The following CD1B variants were observed in gnomAD, a reference collection of about 807,000 sequenced individuals.
CD1B encodes CD1b molecule.
CD1B carries 43 observed loss-of-function variants against 39.8 expected under a neutral mutation model. That is an observed-to-expected ratio of 1.08 (90% confidence interval 0.85 to 1.39). CD1B has a LOEUF of 1.39. Ranked by LOEUF, CD1B falls within the 40% of genes most tolerant of loss-of-function variation. CD1B has a pLI of 0.00. For synonymous variants in CD1B, 192 were observed against 152.5 expected (o/e 1.26, Z -1.91); for missense variants, 495 against 403.8 (o/e 1.23, Z -1.94).
At chr1:158,299,558 A>C in the CD1B span, among the ~76,000 whole-genome samples, 57 of 152,336 alleles carry the variant, frequency 3.7e-4, no homozygotes, top group African/African-American at 1.3e-3. Context: ...TTCAGAAGGA[A>C]TGGTACCAGC....
At chr1:158,302,315 C>T in the CD1B span, among the ~76,000 whole-genome samples, 1 of 151,934 alleles carries the variant, frequency 6.6e-6, no homozygotes, top group Non-Finnish European at 1.5e-5. Context: ...GTTTATAGCA[C>T]TAAATGCCCA....
Position 158,331,052 on chromosome 1 carries a change from C to T in CD1B, c.72G>A (p.Gly24=), listed in dbSNP as rs998188870. The T allele has an allele frequency of 7.5e-6, 12 of 1,610,454 alleles. No homozygotes were observed. Among genetic ancestry groups the T allele is most frequent in the Non-Finnish European group, 9.3e-6 (11 of 1,178,636 alleles). Residue 24 remains glycine (G), a synonymous_variant, in exon 2 of 6, where the codon GGG becomes GGA. Coordinates refer to ENST00000368168, the MANE Select transcript of CD1B (RefSeq NM_001764.3). ...PGGNSEHAFQ[G]PTSFHVIQTS... is the part of the protein sequence containing the mutation. ...TCTGGATAACATGAAAGGAGGTCGG[C>T]CCCTGGAAGGCTGTGAAGAGTGGAA...
At position 158,328,900 on chromosome 1, in the gene CD1B, AC is replaced by A. The variant is rs762400564; in HGVS notation, c.980+20del. The A allele has an allele frequency of 1.2e-5, 19 of 1,539,064 alleles. No individual in the cohort carries two copies. Among genetic ancestry groups the A allele is most frequent in the Middle Eastern group, 1.7e-4 (1 of 5,724 alleles). ...CAGAAAAGACATATTAAAAAAAAAA[AC>A]AACACCACCCACAACTCACCGGCGC... On this transcript the variant is annotated intron_variant, in intron 5 of 5. Transcript: ENST00000368168.
Position 158,328,073 on chromosome 1 carries a change from A to G in CD1B, c.*163T>C. The G allele has an allele frequency of 1.7e-6, 1 of 603,290 alleles. No individual in the cohort carries two copies. 37.4% of individuals were successfully genotyped at this position (603,290 alleles called of 1,614,324 possible). On this transcript the variant is annotated 3_prime_UTR_variant, in exon 6 of 6. Transcript: ENST00000368168. ...TCATAATAAATTTACAGTTTTAAGT[A>G]CTTTTTTGCTGATGTTTAAATAATA...
At chr1:158,315,275 A>T in the CD1B span, among the ~76,000 whole-genome samples, 85 of 152,258 alleles carry the variant, frequency 5.6e-4, no homozygotes, top group Non-Finnish European at 1.0e-3. Flanking sequence ...TCCCATCAAC[A>T]GTGTAAAAGT....
the CD1B span, among the ~76,000 whole-genome samples, chr1:158,322,310 C>T: frequency 6.6e-6 from 1 of 152,158 alleles, no homozygotes; most frequent in Non-Finnish European, 1.5e-5. Flanking sequence ...AATCTTGGCT[C>T]ACTGCAACCT....
At chr1:158,292,314 C>G in the CD1B span, 7 of 1,614,158 alleles carry the variant, frequency 4.3e-6, no homozygotes, top group Non-Finnish European at 5.9e-6. Flanking sequence ...CACTTGCCCC[C>G]GATTTCTCTT....
At chr1:158,330,601 T>A in intron 2 of CD1B, 195 bp downstream of exon 2, 1 of 721,912 alleles carries the variant, frequency 1.4e-6, no homozygotes, top group Non-Finnish European at 2.5e-6. Flanking sequence ...AAGAGAAGAG[T>A]GCAGAGGCAG....
At position 158,328,034 on chromosome 1, in the gene CD1B, C is replaced by T. The variant is rs1652424233; in HGVS notation, c.*202G>A. 1 of 538,276 alleles carries T rather than the reference C, an allele frequency of 1.9e-6. No homozygotes were observed. Among genetic ancestry groups the T allele is most frequent in the Admixed American group, 3.3e-5 (1 of 30,272 alleles). 33.3% of individuals were successfully genotyped at this position (538,276 alleles called of 1,614,324 possible). A position where few individuals can be genotyped will look rare whatever the true frequency, so the allele number is the denominator to read the frequency against. On this transcript the variant is annotated 3_prime_UTR_variant, in exon 6 of 6. Transcript: ENST00000368168. ...GTGTGTAAAATCAGGGTGAATCACA[C>T]TGTTAGTACAGTCTCATAATAAATT...
the CD1B span, among the ~76,000 whole-genome samples, chr1:158,318,528 C>T: frequency 6.6e-6 from 1 of 152,088 alleles, no homozygotes; most frequent in African/African-American, 2.4e-5. Flanking sequence ...AGATCTTCCT[C>T]CATCCTTTTA....
At chr1:158,303,408 A>G in the CD1B span, among the ~76,000 whole-genome samples, 2 of 152,212 alleles carry the variant, frequency 1.3e-5, no homozygotes, top group Non-Finnish European at 2.9e-5. Context: ...GCTATTCAAC[A>G]TAATACTGGA....
intron 2 of CD1B, 31 bp downstream of exon 2, chr1:158,330,765 G>A (rs1316555209): frequency 1.2e-6 from 2 of 1,609,868 alleles, no homozygotes; most frequent in East Asian, 2.2e-5. Flanking sequence ...GAGTCCTTGA[G>A]ACTCTTCCCA....
the CD1B span, among the ~76,000 whole-genome samples, chr1:158,302,278 C>A: frequency 6.6e-6 from 1 of 152,164 alleles, no homozygotes; most frequent in African/African-American, 2.4e-5. Context: ...GTCTCTGAGA[C>A]ACAGCTAAAA....
downstream of CD1B, among the ~76,000 whole-genome samples, chr1:158,323,830 A>G (rs1652265938): frequency 1.3e-5 from 2 of 152,194 alleles, no homozygotes; most frequent in Admixed American, 1.3e-4. Flanking sequence ...GAAGCTGGCC[A>G]GGGACCTAAG....
At chr1:158,299,335 T>A in the CD1B span, among the ~76,000 whole-genome samples, 1 of 152,210 alleles carries the variant, frequency 6.6e-6, no homozygotes, top group Admixed American at 6.5e-5. Flanking sequence ...TTGCATATGT[T>A]GAACCAGCCT....
At chr1:158,329,827 G>A (rs780542168) in intron 3 of CD1B, 25 bp downstream of exon 3, 3 of 1,600,256 alleles carry the variant, frequency 1.9e-6, no homozygotes, top group Non-Finnish European at 2.6e-6. Context: ...GAGGTGGTGG[G>A]AAGTGAAATA....
chr1:158,331,286 C>T, intron 1 of CD1B, 77 bp downstream of exon 1: 1 of 1,360,758 alleles, frequency 7.3e-7, no homozygotes, highest in Non-Finnish European at 1.0e-6. Flanking sequence ...TGTCCAATTG[C>T]ACCTAGGAAA....
chr1:158,300,637 G>A, the CD1B span, among the ~76,000 whole-genome samples: 1 of 152,012 alleles, frequency 6.6e-6, no homozygotes, highest in Admixed American at 6.6e-5. Context: ...AGGTCTGTAA[G>A]GACTCATTAT....
At chr1:158,292,643 C>A in the CD1B span, 1 of 1,613,500 alleles carries the variant, frequency 6.2e-7, no homozygotes, top group African/African-American at 1.3e-5. Context: ...TGGGTCTGGC[C>A]AGCTGTTGCT....
Sources: allele counts gnomAD v4.1 joint callset (sites outside exome capture counted in the v4.1 genomes callset), GRCh38; gene constraint gnomAD v4.1.1; transcripts MANE v1.5; gene names NCBI Gene and HGNC (gene_info 2026-07-23, HGNC 2026-07-21).